The following CELA2A variants were observed in gnomAD, a reference collection of about 807,000 sequenced individuals.
The protein encoded by CELA2A is chymotrypsin like elastase 2A, also known as chymotrypsin-like elastase family member 2A.
A neutral mutation model predicts 35.3 loss-of-function variants in CELA2A; 31 were observed. The ratio of observed to expected loss-of-function variants is 0.88; its 90% confidence interval spans 0.66 to 1.19. The LOEUF is 1.19. Among genes scored for constraint, CELA2A ranks in the 50% most tolerant of loss-of-function variants. CELA2A has a pLI of 0.00. For missense variants in CELA2A, 330 were observed against 352.9 expected (o/e 0.94, Z 0.52); for synonymous variants, 150 against 149.8 (o/e 1.00, Z -0.01).
chr1:15,456,803 G>A lies in CELA2A; in HGVS notation c.40+10G>A, dbSNP rs370216051. On this transcript the variant is annotated intron_variant, in intron 1 of 7. Transcript: ENST00000359621. Reference sequence around the variant, plus strand: ...ACTTTGGTGGCTGGAGGTAAGTCCTGTTACCCAGAGGCACTGGTTTCCCAT... The same window carrying A: ...ACTTTGGTGGCTGGAGGTAAGTCCTATTACCCAGAGGCACTGGTTTCCCAT... 3 of 1,614,176 alleles carry A rather than the reference G, an allele frequency of 1.9e-6. No homozygotes were observed. Among genetic ancestry groups the A allele is most frequent in the South Asian group, 2.2e-5 (2 of 91,088 alleles).
At position 15,463,446 on chromosome 1, in the gene CELA2A, G is replaced by A. The variant is rs766715900; in HGVS notation, c.417G>A (p.Leu139=). Residue 139 remains leucine (L), a synonymous_variant, in exon 5 of 8, where the codon CTG becomes CTA. Coordinates refer to ENST00000359621, the MANE Select transcript of CELA2A (RefSeq NM_033440.3). ...NPVSLTDKIQ[L]ACLPPAGTIL... ...TCTCCCTCACCGACAAGATCCAGCT[G>A]GCCTGCCTCCCTCCTGCCGGCACCA... is the stretch of plus-strand genomic sequence containing the variant. 2 of 1,613,858 alleles carry A rather than the reference G, an allele frequency of 1.2e-6. No individual in the cohort carries two copies. Among genetic ancestry groups the A allele is most frequent in the African/African-American group, 1.3e-5 (1 of 74,918 alleles).
chr1:15,458,350 C>T (rs1277964607), intron 2 of CELA2A, among the ~76,000 whole-genome samples: 1 of 120,816 alleles, frequency 8.3e-6, no homozygotes, highest in Non-Finnish European at 1.9e-5. Flanking sequence ...CCAGTCTCTT[C>T]CAAGCATTTA....
chr1:15,467,817 C>T (rs1349373765), intron 7 of CELA2A, among the ~76,000 whole-genome samples: 1 of 152,056 alleles, frequency 6.6e-6, no homozygotes, highest in Non-Finnish European at 1.5e-5. Flanking sequence ...CGCTGGGCGC[C>T]GTGGCTCATG....
chr1:15,463,215 C>T (rs984872656), intron 4 of CELA2A, among the ~76,000 whole-genome samples, 171 bp from the exon 5 acceptor site: 6 of 152,184 alleles, frequency 3.9e-5, no homozygotes, highest in African/African-American at 1.4e-4. Context: ...TCCTGCCTTC[C>T]CCCTTTCAAC....
intron 5 of CELA2A, 76 bp downstream of exon 5, chr1:15,463,598 T>C: frequency 8.1e-6 from 13 of 1,598,854 alleles, no homozygotes; most frequent in Non-Finnish European, 1.1e-5. Context: ...GGCCGGGGCC[T>C]CTCACCTGTC....
chr1:15,469,820 G>A (rs1708567168), intron 7 of CELA2A, among the ~76,000 whole-genome samples: 1 of 152,214 alleles, frequency 6.6e-6, no homozygotes, highest in South Asian at 2.1e-4. Flanking sequence ...ACGAGAGGCT[G>A]CTTAGGGGCC....
intron 2 of CELA2A, among the ~76,000 whole-genome samples, chr1:15,460,020 G>C (rs1204992253): frequency 1.3e-5 from 2 of 151,606 alleles, no homozygotes; most frequent in Admixed American, 6.6e-5. Context: ...ATGCAATTTT[G>C]TTTCTTCTCC....
Position 15,462,809 on chromosome 1 carries a change from G to T in CELA2A, c.304G>T (p.Val102Phe), listed in dbSNP as rs150179544. ...GGAGTCCGGCTCGCTGGCAGTCAGTGTCTCTAAGATTGTGGTGCACAAGGA... is the reference window on the plus strand; with the variant it reads ...GGAGTCCGGCTCGCTGGCAGTCAGTTTCTCTAAGATTGTGGTGCACAAGGA... ...VAESGSLAVSVSKIVVHKDWN... is the reference protein window; with the variant it reads ...VAESGSLAVSFSKIVVHKDWN... The change falls in exon 4 of 8, where the codon GTC becomes TTC. Residue 102 changes from valine to phenylalanine, a missense_variant. Transcript: ENST00000359621. The T allele has an allele frequency of 1.6e-3, 2,663 of 1,614,088 alleles. 34 individuals are homozygous for T. Among genetic ancestry groups the T allele is most frequent in the South Asian group, 7.8e-3 (709 of 91,074 alleles).
chr1:15,466,192 GGAT>G (rs1708515934), intron 6 of CELA2A, 48 bp downstream of exon 6: 1 of 1,605,000 alleles, frequency 6.2e-7, no homozygotes, highest in East Asian at 2.2e-5. Flanking sequence ...ATGTGGCTGG[GGAT>G]AAGGCTATAG....
intron 7 of CELA2A, among the ~76,000 whole-genome samples, chr1:15,470,025 G>A (rs1708569415): frequency 6.6e-6 from 1 of 152,188 alleles, no homozygotes; most frequent in South Asian, 2.1e-4. Flanking sequence ...AGCATGGCCA[G>A]ATGGCAGCAG....
intron 5 of CELA2A, among the ~76,000 whole-genome samples, chr1:15,464,375 C>T (rs1708482629): frequency 6.6e-6 from 1 of 152,088 alleles, no homozygotes; most frequent in South Asian, 2.1e-4. Flanking sequence ...ACATAGACTC[C>T]AAGGGTCAGA....
At position 15,461,668 on chromosome 1, in the gene CELA2A, T is replaced by A. The variant is rs769039006; in HGVS notation, c.227+10T>A. The A allele has an allele frequency of 3.8e-5, 62 of 1,613,936 alleles. 1 individual carries two copies. Among genetic ancestry groups the A allele is most frequent in the Middle Eastern group, 1.7e-4 (1 of 6,006 alleles). ...CTGCCCACTGCATCAGGTAACTGCCTTTCCCTGGGCGCTTGGCCTGCTCAC... is the reference window on the plus strand; with the variant it reads ...CTGCCCACTGCATCAGGTAACTGCCATTCCCTGGGCGCTTGGCCTGCTCAC... On this transcript the variant is annotated intron_variant, in intron 3 of 7. Coordinates refer to ENST00000359621, the MANE Select transcript of CELA2A (RefSeq NM_033440.3).
chr1:15,462,509 A>C (rs761459637), intron 3 of CELA2A, among the ~76,000 whole-genome samples: 3 of 152,126 alleles, frequency 2.0e-5, no homozygotes, highest in Non-Finnish European at 4.4e-5. Context: ...CTTTTATTTT[A>C]TATTGTAGTT....
At chr1:15,470,227 C>A (rs1182834704) in intron 7 of CELA2A, among the ~76,000 whole-genome samples, 7 of 152,138 alleles carry the variant, frequency 4.6e-5, no homozygotes, top group Non-Finnish European at 7.3e-5. Context: ...GTAGCCCCAA[C>A]CCAGGGACAC....
intron 7 of CELA2A, among the ~76,000 whole-genome samples, chr1:15,470,085 G>A (rs1708570431): frequency 6.6e-6 from 1 of 152,188 alleles, no homozygotes; most frequent in Non-Finnish European, 1.5e-5. Flanking sequence ...GAGGCCCTGT[G>A]TTCATGGGAG....
intron 5 of CELA2A, 28 bp downstream of exon 5, chr1:15,463,550 C>T: frequency 2.5e-6 from 4 of 1,612,608 alleles, no homozygotes; most frequent in Non-Finnish European, 3.4e-6. Flanking sequence ...GCCCCCAGGC[C>T]TGGGAGGGAA....
At chr1:15,462,967 AC>A in intron 4 of CELA2A, 106 bp downstream of exon 4, 3 of 1,492,494 alleles carry the variant, frequency 2.0e-6, no homozygotes, top group Non-Finnish European at 1.8e-6. Flanking sequence ...TGCTTCTTCT[AC>A]AGGGAGGGGG....
intron 2 of CELA2A, 156 bp downstream of exon 2, chr1:15,457,330 G>C: frequency 2.8e-6 from 2 of 720,480 alleles, no homozygotes; most frequent in Non-Finnish European, 4.7e-6. Context: ...ATATATTTCC[G>C]GCTGGGCGCA....
chr1:15,465,003 CTTTTTT>C (rs34001591), intron 5 of CELA2A, among the ~76,000 whole-genome samples: 3 of 77,406 alleles, frequency 3.9e-5, no homozygotes, highest in Non-Finnish European at 7.4e-5. Flanking sequence ...CTTAACTTCC[CTTTTTT>C]TTTTTTTTTT....
Sources: allele counts gnomAD v4.1 joint callset (sites outside exome capture counted in the v4.1 genomes callset), GRCh38; gene constraint gnomAD v4.1.1; transcripts MANE v1.5; gene names NCBI Gene and HGNC (gene_info 2026-07-23, HGNC 2026-07-21).